C19orf47: variants seen among roughly 807,000 people sequenced by gnomAD.
C19orf47 encodes the protein uncharacterized protein C19orf47.
A neutral mutation model predicts 32.3 loss-of-function variants in C19orf47; 18 were observed. The observed-to-expected ratio is 0.56, with a 90% CI of 0.39 to 0.83. The LOEUF (loss-of-function observed/expected upper bound fraction) is 0.83. C19orf47 is among the 40% of genes least tolerant of loss of function. C19orf47 has a pLI of 0.00. For missense variants in C19orf47, 484 were observed against 531.6 expected (o/e 0.91, Z 0.88); for synonymous variants, 202 against 211.1 (o/e 0.96, Z 0.37).
intron 6 of C19orf47, 84 bp downstream of exon 6, chr19:40,328,329 A>G (rs2077875671): frequency 6.4e-7 from 1 of 1,560,032 alleles, no homozygotes; most frequent in Non-Finnish European, 8.7e-7. Context: ...AGCACCTTAC[A>G]ATATTGGAAG....
Position 40,333,328 on chromosome 19 carries a change from T to C in C19orf47, c.301+523A>G, listed in dbSNP as rs970327573. 2.7e-5 allele frequency among the ~76,000 whole-genome samples: 4 copies of C among 147,700 alleles called. No individual in the cohort carries two copies. The East Asian group carries it at 7.8e-4, about 29-fold the overall frequency. ...AAATAAAATGGCCCTCAAAGCACAG[T>C]GTTGAAGTGCTGTCTGGCTTCCTAA... On this transcript the variant is annotated intron_variant, in intron 5 of 8. Coordinates refer to ENST00000683109, the MANE Select transcript of C19orf47 (RefSeq NM_001256441.2).
At chr19:40,301,098 G>A in the C19orf47 span, among the ~76,000 whole-genome samples, 1 of 152,062 alleles carries the variant, frequency 6.6e-6, no homozygotes, top group African/African-American at 2.4e-5. Flanking sequence ...GGGAGGTGGA[G>A]GTTACACTGA....
the C19orf47 span, among the ~76,000 whole-genome samples, chr19:40,302,438 A>G: frequency 7.9e-5 from 12 of 151,876 alleles, no homozygotes; most frequent in African/African-American, 2.9e-4. Context: ...ATTTTTTTGT[A>G]TTTCGTGTGC....
intron 1 of C19orf47, 94 bp downstream of exon 1, chr19:40,348,230 C>G (rs2078366493): frequency 1.2e-6 from 1 of 824,134 alleles, no homozygotes; most frequent in Non-Finnish European, 1.7e-6. Context: ...AGTCCGAAGC[C>G]GTACAACGGA....
At chr19:40,335,400 G>A (rs980923646) in intron 4 of C19orf47, among the ~76,000 whole-genome samples, 2 of 152,140 alleles carry the variant, frequency 1.3e-5, no homozygotes, top group Admixed American at 6.5e-5. Context: ...TTATTACAGA[G>A]GGACCCAAAT....
intron 4 of C19orf47, among the ~76,000 whole-genome samples, chr19:40,335,894 C>A (rs2078054778): frequency 6.6e-6 from 1 of 152,238 alleles, no homozygotes; most frequent in Non-Finnish European, 1.5e-5. Flanking sequence ...CAGGCGTGAG[C>A]CACCGCACCC....
downstream of C19orf47, among the ~76,000 whole-genome samples, chr19:40,315,007 G>A (rs2077652505): frequency 6.6e-6 from 1 of 152,108 alleles, no homozygotes; most frequent in Admixed American, 6.6e-5. Flanking sequence ...AACTATCAAA[G>A]TAGGCATCAA....
chr19:40,300,838 T>C, the C19orf47 span, among the ~76,000 whole-genome samples: 1 of 152,180 alleles, frequency 6.6e-6, no homozygotes, highest in South Asian at 2.1e-4. Flanking sequence ...AAAACTCTAG[T>C]GGAAAAACTG....
the C19orf47 span, among the ~76,000 whole-genome samples, chr19:40,298,314 A>G: frequency 0.049 from 7,418 of 150,730 alleles, 604 homozygotes; most frequent in African/African-American, 0.17. Flanking sequence ...AAAAAAAAAA[A>G]AAAAAGAAAA....
intron 2 of C19orf47, among the ~76,000 whole-genome samples, 193 bp from the exon 3 acceptor site, chr19:40,336,600 A>C (rs1345730163): frequency 6.6e-6 from 1 of 152,186 alleles, no homozygotes; most frequent in Non-Finnish European, 1.5e-5. Flanking sequence ...GATTCGCCTG[A>C]GTTGCCGATG....
In C19orf47 at chr19:40,336,161, C is replaced by T; in HGVS notation, c.171G>A (p.Val57=). The T allele has an allele frequency of 6.2e-7, 1 of 1,614,212 alleles. No homozygotes were observed. Among genetic ancestry groups the T allele is most frequent in the African/African-American group, 1.3e-5 (1 of 75,070 alleles). ...TGAGAATGGCGATGATGTCACCCAC[C>T]ACGGTCACGCCCAGCTCATTCATTA... ...KEIMNELGVT[V]VGDIIAILKH... The change falls in exon 4 of 9, where the codon GTG becomes GTA. Residue 57 remains valine, a synonymous_variant. Coordinates refer to ENST00000683109, the MANE Select transcript of C19orf47 (RefSeq NM_001256441.2).
At chr19:40,310,454 T>C in the C19orf47 span, among the ~76,000 whole-genome samples, 3 of 152,210 alleles carry the variant, frequency 2.0e-5, no homozygotes, top group Non-Finnish European at 4.4e-5. Flanking sequence ...AATTTTTGTA[T>C]CTTTAGTAGA....
chr19:40,346,496 A>T (rs186034788), intron 1 of C19orf47, among the ~76,000 whole-genome samples: 36 of 148,106 alleles, frequency 2.4e-4, no homozygotes, highest in African/African-American at 4.7e-4. Context: ...TAATAAAAAT[A>T]AAAAAACACC....
chr19:40,333,166 G>A (rs750928066), intron 5 of C19orf47, among the ~76,000 whole-genome samples: 2 of 151,982 alleles, frequency 1.3e-5, no homozygotes, highest in Non-Finnish European at 2.9e-5. Flanking sequence ...GCTGAGGCAG[G>A]AGGATCGCTT....
chr19:40,304,636 TGC>T, the C19orf47 span, among the ~76,000 whole-genome samples: 1 of 152,188 alleles, frequency 6.6e-6, no homozygotes, highest in Non-Finnish European at 1.5e-5. Context: ...TAGCTCAGGA[TGC>T]TATATAAGCT....
At chr19:40,331,535 G>C (rs1028883479) in intron 5 of C19orf47, among the ~76,000 whole-genome samples, 1 of 152,192 alleles carries the variant, frequency 6.6e-6, no homozygotes, top group Non-Finnish European at 1.5e-5. Context: ...CTATTCAGGA[G>C]GCTGAGGCAG....
chr19:40,342,147 G>A (rs2145613283), intron 1 of C19orf47: 8 of 677,248 alleles, frequency 1.2e-5, no homozygotes, highest in Non-Finnish European at 1.5e-5. Context: ...AGGTTGGCTG[G>A]AAAAGGAGTG....
At chr19:40,328,600 C>T (rs2077885168) in intron 5 of C19orf47, 50 bp from the exon 6 acceptor site, 1 of 1,558,862 alleles carries the variant, frequency 6.4e-7, no homozygotes, top group Admixed American at 2.0e-5. Flanking sequence ...GGAAGACAGG[C>T]CTCAATCCAG....
chr19:40,299,409 G>A, the C19orf47 span: 1 of 152,030 alleles, frequency 6.6e-6, no homozygotes, highest in Non-Finnish European at 1.5e-5. Flanking sequence ...CTAATTATTA[G>A]TGACCTAAAT....
Sources: gnomAD v4.1 joint callset for allele counts (sites outside exome capture counted in the v4.1 genomes callset) on GRCh38, gnomAD v4.1.1 for gene constraint, MANE v1.5 for transcripts, NCBI Gene and HGNC (gene_info 2026-07-23, HGNC 2026-07-21) for gene names.